MIR2052HG: variants seen among roughly 807,000 people sequenced by gnomAD.
The protein encoded by MIR2052HG is MIR2052 host gene.
At chr8:74,659,927 T>G (rs1808843535) in intron 2 of MIR2052HG, among the ~76,000 whole-genome samples, 1 of 152,202 alleles carries the variant, frequency 6.6e-6, no homozygotes, top group African/African-American at 2.4e-5. Context: ...AATGGCACAA[T>G]TTTTGTTTTT....
intron 2 of MIR2052HG, among the ~76,000 whole-genome samples, chr8:74,684,253 TGGG>T (rs1183586832): frequency 8.1e-6 from 1 of 123,302 alleles, no homozygotes; most frequent in Non-Finnish European, 1.8e-5. Context: ...TCTGCTGGTC[TGGG>T]CTCTACAAGC....
intron 2 of MIR2052HG, among the ~76,000 whole-genome samples, chr8:74,695,320 T>G (rs1310848561): frequency 6.6e-6 from 1 of 152,158 alleles, no homozygotes; most frequent in African/African-American, 2.4e-5. Context: ...GCTCTAAATC[T>G]TGAAATAAAT....
At chr8:74,726,459 C>T (rs1809637478) in intron 4 of MIR2052HG, among the ~76,000 whole-genome samples, 2 of 152,150 alleles carry the variant, frequency 1.3e-5, no homozygotes. Context: ...AGTTCCCTTT[C>T]CTCAGATTCT....
intron 2 of MIR2052HG, among the ~76,000 whole-genome samples, chr8:74,701,371 G>A (rs574490414): frequency 1.1e-4 from 16 of 152,138 alleles, no homozygotes; most frequent in African/African-American, 1.7e-4. Flanking sequence ...GCTAGCCACC[G>A]TTCAAGCACT....
chr8:74,737,604 C>T (rs1486507073), intron 4 of MIR2052HG, among the ~76,000 whole-genome samples: 2 of 152,146 alleles, frequency 1.3e-5, no homozygotes, highest in Non-Finnish European at 2.9e-5. Context: ...TATCTTGTCA[C>T]ACTTTTTGGC....
At chr8:74,673,023 A>T (rs1324118115) in intron 2 of MIR2052HG, among the ~76,000 whole-genome samples, 1 of 152,066 alleles carries the variant, frequency 6.6e-6, no homozygotes, top group Admixed American at 6.6e-5. Flanking sequence ...GATGAATGAG[A>T]CCTTCAATCT....
At chr8:74,667,141 T>G (rs1195609484) in intron 2 of MIR2052HG, among the ~76,000 whole-genome samples, 1 of 152,160 alleles carries the variant, frequency 6.6e-6, no homozygotes, top group Non-Finnish European at 1.5e-5. Context: ...CTAGGTTTGT[T>G]GTCTCCTGGT....
At chr8:74,749,295 TTTA>T (rs1809919396) in intron 4 of MIR2052HG, among the ~76,000 whole-genome samples, 1 of 152,150 alleles carries the variant, frequency 6.6e-6, no homozygotes, top group South Asian at 2.1e-4. Context: ...TAGATTCTCT[TTTA>T]TGGCTGAAAG....
At chr8:74,616,200 A>C (rs1256229770) in intron 2 of MIR2052HG, among the ~76,000 whole-genome samples, 1 of 151,842 alleles carries the variant, frequency 6.6e-6, no homozygotes, top group Non-Finnish European at 1.5e-5. Context: ...TGTCTTCCAT[A>C]ATGGTTGAAC....
chr8:74,679,863 G>T (rs1486806111), intron 2 of MIR2052HG, among the ~76,000 whole-genome samples: 1 of 151,970 alleles, frequency 6.6e-6, no homozygotes, highest in Non-Finnish European at 1.5e-5. Flanking sequence ...ATTCTTAACA[G>T]CTAAATAGTA....
At chr8:74,650,651 C>A (rs1382036884) in intron 2 of MIR2052HG, among the ~76,000 whole-genome samples, 1 of 152,246 alleles carries the variant, frequency 6.6e-6, no homozygotes, top group East Asian at 1.9e-4. Flanking sequence ...TGATTTTACA[C>A]TCCACCAGAA....
intron 4 of MIR2052HG, among the ~76,000 whole-genome samples, chr8:74,735,511 A>G (rs1220906692): frequency 6.6e-6 from 1 of 152,042 alleles, no homozygotes; most frequent in Non-Finnish European, 1.5e-5. Context: ...CCCGGGCTCC[A>G]TGTATCACAC....
chr8:74,698,608 T>A lies in MIR2052HG; in HGVS notation n.217-3771T>A, dbSNP rs908579873. ...GGAGATAATCTTCACAAACTATGGA[T>A]CTGAGAAAGGACTAATATACAGAAT... On this transcript the variant is annotated intron_variant and non_coding_transcript_variant, in intron 2 of 6. Transcript: ENST00000523442. Among the ~76,000 whole-genome samples the A allele has an allele frequency of 2.0e-5, 3 of 152,252 alleles. No homozygotes were observed. The East Asian group carries it at 5.8e-4, about 29-fold the overall frequency.
intron 2 of MIR2052HG, among the ~76,000 whole-genome samples, chr8:74,631,450 CTTGAAA>C (rs1808509863): frequency 1.3e-5 from 2 of 152,132 alleles, no homozygotes; most frequent in African/African-American, 4.8e-5. Flanking sequence ...ATTCTTTTGA[CTTGAAA>C]TTGAGAGGCA....
At chr8:74,607,141 T>G (rs1239837918) in intron 1 of MIR2052HG, among the ~76,000 whole-genome samples, 1 of 151,628 alleles carries the variant, frequency 6.6e-6, no homozygotes, top group Non-Finnish European at 1.5e-5. Context: ...AAAGATTTGC[T>G]TGCTAACATC....
chr8:74,640,331 C>T (rs1028835224), intron 2 of MIR2052HG, among the ~76,000 whole-genome samples: 21 of 151,582 alleles, frequency 1.4e-4, no homozygotes, highest in South Asian at 6.2e-4. Context: ...ATTAGCTGGG[C>T]GTGGTGGTGC....
chr8:74,754,637 C>T (rs1473334809), intron 5 of MIR2052HG, among the ~76,000 whole-genome samples: 1 of 152,166 alleles, frequency 6.6e-6, no homozygotes, highest in African/African-American at 2.4e-5. Flanking sequence ...GAGTGGTTTT[C>T]AGCCCCAGAC....
At chr8:74,752,912 C>T (rs1260176497) in intron 5 of MIR2052HG, among the ~76,000 whole-genome samples, 1 of 152,224 alleles carries the variant, frequency 6.6e-6, no homozygotes, top group African/African-American at 2.4e-5. Flanking sequence ...ATCTCAGATT[C>T]ACCTGCATGA....
chr8:74,606,746 C>T (rs966102703), intron 1 of MIR2052HG, among the ~76,000 whole-genome samples: 19 of 152,108 alleles, frequency 1.2e-4, no homozygotes, highest in Non-Finnish European at 2.8e-4. Flanking sequence ...GGTTTGATAC[C>T]TGGGTGACAA....
Sources: gnomAD v4.1 joint callset for allele counts (sites outside exome capture counted in the v4.1 genomes callset) on GRCh38, gnomAD v4.1.1 for gene constraint, MANE v1.5 for transcripts, NCBI Gene and HGNC (gene_info 2026-07-23, HGNC 2026-07-21) for gene names.